ERLIN2: variants seen among roughly 807,000 people sequenced by gnomAD.
ERLIN2 encodes ER lipid raft associated 2.
ERLIN2 carries 22 observed loss-of-function variants against 41.5 expected under a neutral mutation model. The ratio of observed to expected loss-of-function variants is 0.53; its 90% confidence interval spans 0.38 to 0.76. The LOEUF is 0.76. ERLIN2 is among the 30% of genes least tolerant of loss of function. The pLI is 0.00. For synonymous variants in ERLIN2, 149 were observed against 150.9 expected (o/e 0.99, Z 0.09); for missense variants, 247 against 414.3 (o/e 0.60, Z 3.51).
At chr8:37,743,313 C>G (rs901555384) in intron 4 of ERLIN2, among the ~76,000 whole-genome samples, 5 of 152,204 alleles carry the variant, frequency 3.3e-5, no homozygotes, top group Admixed American at 2.6e-4. Flanking sequence ...TATTTTCTCA[C>G]CATTCTGAAG....
chr8:37,748,044 A>G, intron 6 of ERLIN2: 1 of 1,557,376 alleles, frequency 6.4e-7, no homozygotes, highest in Non-Finnish European at 8.9e-7. Context: ...CGCAAAGAAG[A>G]GGGTCGCGCC....
intron 7 of ERLIN2, 48 bp from the exon 8 acceptor site, chr8:37,749,746 C>G (rs774010729): frequency 6.3e-7 from 1 of 1,593,104 alleles, no homozygotes. Context: ...GGGTGTGTCC[C>G]TCACTACCCT....
rs2129742538 is a variant in ERLIN2, at chr8:37,757,210, C to T, written c.*3095C>T. 6.6e-6 allele frequency: 1 copy of T among 152,270 alleles called. No homozygotes were observed. The highest frequency in any genetic ancestry group is 1.9e-4 in the East Asian group (1 of 5,188). The allele number at this position is 152,270 out of a possible 1,614,324, so 9.4% of individuals were successfully genotyped here. ...AGTGAAAGTAAGATGGTCATACTTA[C>T]TGACTTTATCTATTTAAGTTTGATG... On this transcript the variant is annotated 3_prime_UTR_variant, in exon 12 of 12. Transcript: ENST00000519638.
chr8:37,748,904 A>T (rs1165549948), intron 6 of ERLIN2, among the ~76,000 whole-genome samples: 1 of 152,200 alleles, frequency 6.6e-6, no homozygotes, highest in African/African-American at 2.4e-5. Context: ...TTGTCTGTGA[A>T]ACAACTCATG....
rs1802858992 is a variant in ERLIN2, at chr8:37,741,762, C to T, written c.190-10C>T. 1 of 1,611,180 alleles carries T rather than the reference C, an allele frequency of 6.2e-7. No individual in the cohort carries two copies. Among genetic ancestry groups the T allele is most frequent in the African/African-American group, 1.3e-5 (1 of 74,848 alleles). Reference sequence around the variant, plus strand: ...CATCTTCTAGCACTTTATGTTTCCTCTGTTTCCAGACCACACTCCAGACAG... The same window carrying T: ...CATCTTCTAGCACTTTATGTTTCCTTTGTTTCCAGACCACACTCCAGACAG... On this transcript the variant is annotated splice_polypyrimidine_tract_variant and intron_variant, in intron 3 of 11. Transcript: ENST00000519638. The surrounding 1 kb of genome is among the most constrained non-coding windows in gnomAD (Gnocchi z 4.8).
rs546583347 is a variant in ERLIN2 at position 37,738,979 on chromosome 8, C to T, written c.107+950C>T. On this transcript the variant is annotated intron_variant, in intron 2 of 11. Transcript: ENST00000519638. ...GCAAGCCTTAGGATAGTGGTTCCTA[C>T]AATAAAGGAACCCATTATGTCACTG... Among the ~76,000 whole-genome samples, 7 of 152,128 alleles carry T rather than the reference C, an allele frequency of 4.6e-5. No homozygotes were observed. The South Asian group carries it at 1.4e-3, about 32-fold the overall frequency.
At chr8:37,747,432 G>A (rs1485077387) in intron 6 of ERLIN2, 23 of 1,610,572 alleles carry the variant, frequency 1.4e-5, no homozygotes, top group Non-Finnish European at 2.0e-5. Context: ...TCATGCCTTT[G>A]CGCTCCAGCT....
At chr8:37,738,443 T>G (rs1383408690) in intron 2 of ERLIN2, among the ~76,000 whole-genome samples, 1 of 152,122 alleles carries the variant, frequency 6.6e-6, no homozygotes, top group Non-Finnish European at 1.5e-5. Context: ...CTAGGTTACC[T>G]TTACAAAAGC....
At chr8:37,745,747 A>C in intron 6 of ERLIN2, 1 of 1,515,932 alleles carries the variant, frequency 6.6e-7, no homozygotes. Context: ...CTGCAGTAGA[A>C]AATGAATCTA....
At chr8:37,739,077 C>G (rs1438972998) in intron 2 of ERLIN2, among the ~76,000 whole-genome samples, 1 of 151,844 alleles carries the variant, frequency 6.6e-6, no homozygotes, top group African/African-American at 2.4e-5. Context: ...TCTTGGGTTG[C>G]TTTCTTTTTA....
chr8:37,737,769 G>C (rs1802703775), intron 1 of ERLIN2, 139 bp from the exon 2 acceptor site: 1 of 936,342 alleles, frequency 1.1e-6, no homozygotes, highest in Non-Finnish European at 1.6e-6. Context: ...GCGAGTTGTA[G>C]ATCTAGCCTT....
At chr8:37,742,634 A>G (rs1476036948) in intron 4 of ERLIN2, among the ~76,000 whole-genome samples, 3 of 152,106 alleles carry the variant, frequency 2.0e-5, no homozygotes, top group Non-Finnish European at 2.9e-5. Context: ...GAGGGGAACA[A>G]CACACACTGG....
At chr8:37,751,440 G>A (rs1233684290) in intron 9 of ERLIN2, among the ~76,000 whole-genome samples, 186 bp from the exon 10 acceptor site, 2 of 152,206 alleles carry the variant, frequency 1.3e-5, no homozygotes, top group Admixed American at 6.5e-5. Context: ...CTTGGTTACT[G>A]TCTCACACTG....
chr8:37,753,291 T>C (rs1381264350), intron 10 of ERLIN2, among the ~76,000 whole-genome samples, 159 bp from the exon 11 acceptor site: 1 of 152,240 alleles, frequency 6.6e-6, no homozygotes, highest in Non-Finnish European at 1.5e-5. Flanking sequence ...GGAAAATGCA[T>C]GTAAAACACA....
chr8:37,747,976 A>T, intron 6 of ERLIN2: 1 of 1,614,184 alleles, frequency 6.2e-7, no homozygotes, highest in South Asian at 1.1e-5. Context: ...GTCAGAGCAG[A>T]CTACTGACCG....
At chr8:37,747,729 T>G (rs1020484526) in intron 6 of ERLIN2, 2 of 1,589,842 alleles carry the variant, frequency 1.3e-6, no homozygotes, top group Non-Finnish European at 1.7e-6. Flanking sequence ...ACTTTGCACA[T>G]TTCTTTCTGT....
intron 6 of ERLIN2, chr8:37,745,502 TTCTC>T: frequency 6.6e-7 from 1 of 1,506,332 alleles, no homozygotes; most frequent in Non-Finnish European, 9.2e-7. Flanking sequence ...CTGCCAGAAA[TTCTC>T]TAATAGCCAA....
In ERLIN2 at chr8:37,754,823, A is replaced by G. The variant is rs1803317515; in HGVS notation, c.*708A>G. On this transcript the variant is annotated 3_prime_UTR_variant, in exon 12 of 12. Coordinates refer to ENST00000519638, the MANE Select transcript of ERLIN2 (RefSeq NM_007175.8). ...CAATTATTTCGGCATCTTTTCACCTATGCTGTGATTTGTTTTTTTTTTTTC... is the reference window on the plus strand; with the variant it reads ...CAATTATTTCGGCATCTTTTCACCTGTGCTGTGATTTGTTTTTTTTTTTTC... 6.6e-6 allele frequency: 1 copy of G among 151,960 alleles called. No homozygotes were observed. The highest frequency in any genetic ancestry group is 1.5e-5 in the Non-Finnish European group (1 of 68,158). 9.4% of individuals were successfully genotyped at this position (151,960 alleles called of 1,614,324 possible). A position where few individuals can be genotyped will look rare whatever the true frequency, so the allele number is the denominator to read the frequency against.
In ERLIN2 at chr8:37,757,990, T is replaced by G. The variant is rs1038856962; in HGVS notation, c.*3875T>G. 1 of 152,214 alleles carries G rather than the reference T, an allele frequency of 6.6e-6. No individual in the cohort carries two copies. The highest frequency in any genetic ancestry group is 1.5e-5 in the Non-Finnish European group (1 of 68,028). 9.4% of individuals were successfully genotyped at this position (152,214 alleles called of 1,614,324 possible). A position where few individuals can be genotyped will look rare whatever the true frequency, so the allele number is the denominator to read the frequency against. On this transcript the variant is annotated 3_prime_UTR_variant, in exon 12 of 12. Transcript: ENST00000519638. ...TCTGGAAAGCTGCCCAGCTTAGGGT[T>G]GCCAGATAAAACATAAGATACCTAG...
Sources: gnomAD v4.1 joint callset for allele counts (sites outside exome capture counted in the v4.1 genomes callset) on GRCh38, gnomAD v4.1.1 for gene constraint, Gnocchi (gnomAD v3.1) non-coding constraint, MANE v1.5 for transcripts, NCBI Gene and HGNC (gene_info 2026-07-23, HGNC 2026-07-21) for gene names.